DUSP22: variants seen among roughly 807,000 people sequenced by gnomAD.
The protein encoded by DUSP22 is dual specificity phosphatase 22, also known as dual specificity protein phosphatase 22.
In DUSP22, 24 loss-of-function variants were observed where a neutral mutation model predicts 24.5. That is an observed-to-expected ratio of 0.98 (90% CI 0.71 to 1.38). DUSP22 has a LOEUF of 1.38. DUSP22 is among the 40% of genes most tolerant of loss of function. The pLI, the probability that DUSP22 is intolerant of heterozygous loss-of-function variation, is 0.00. For synonymous variants in DUSP22, 160 were observed against 106.4 expected, an observed-to-expected ratio of 1.50 and a Z score of -3.10; for missense variants, 330 against 269.2, an observed-to-expected ratio of 1.23 and a Z score of -1.58.
intron 3 of DUSP22, among the ~76,000 whole-genome samples, chr6:332,392 G>A (rs1189516259): frequency 6.6e-6 from 1 of 152,306 alleles, no homozygotes; most frequent in Non-Finnish European, 1.5e-5. Flanking sequence ...CCTCATCCTG[G>A]TGGTTCCCAG....
At chr6:347,142 G>A (rs1383457106) in intron 5 of DUSP22, among the ~76,000 whole-genome samples, 1 of 152,404 alleles carries the variant, frequency 6.6e-6, no homozygotes, top group African/African-American at 2.4e-5. Flanking sequence ...CCCACTCCTG[G>A]GCTTCTCCTG....
chr6:292,620 C>G, intron 1 of DUSP22, 60 bp downstream of exon 1: 1 of 1,561,280 alleles, frequency 6.4e-7, no homozygotes, highest in Non-Finnish European at 8.7e-7. Flanking sequence ...GCCGTCTCGC[C>G]GGCGTCGGCT....
intron 3 of DUSP22, among the ~76,000 whole-genome samples, chr6:329,008 C>T (rs1487650877): frequency 6.6e-6 from 1 of 152,304 alleles, no homozygotes; most frequent in African/African-American, 2.4e-5. Context: ...AAAGTCATAC[C>T]TGGAGGAGAA....
chr6:350,112 A>G lies in DUSP22; in HGVS notation c.*1161A>G, dbSNP rs1013715428. The G allele has an allele frequency of 5.7e-5, 56 of 985,824 alleles. No homozygotes were observed. The highest frequency in any genetic ancestry group is 6.5e-5 in the Non-Finnish European group (54 of 830,262). 61.1% of individuals were successfully genotyped at this position (985,824 alleles called of 1,614,324 possible). A position where few individuals can be genotyped will look rare whatever the true frequency, so the allele number is the denominator to read the frequency against. On this transcript the variant is annotated 3_prime_UTR_variant, in exon 7 of 7. Coordinates refer to ENST00000419235, the MANE Select transcript of DUSP22 (RefSeq NM_001286555.3). ...AGCTACCTCATTGAATGTTTTTGGAAAGGTGTTTTTTGGTATGCAAGTCAG... is the reference window on the plus strand; with the variant it reads ...AGCTACCTCATTGAATGTTTTTGGAGAGGTGTTTTTTGGTATGCAAGTCAG...
chr6:308,958 C>T (rs1352404183), intron 2 of DUSP22, among the ~76,000 whole-genome samples: 2 of 152,312 alleles, frequency 1.3e-5, no homozygotes, highest in Non-Finnish European at 2.9e-5. Context: ...CCACCTCCTC[C>T]AGGTTCTGTG....
In DUSP22 at chr6:349,365, T is replaced by C; in HGVS notation, c.*414T>C. ...GTGTGTGTGAACTCTTTCTTACTGC[T>C]GGAAGTCACAGAATTCATATTGCTG... On this transcript the variant is annotated 3_prime_UTR_variant, in exon 7 of 7. Transcript: ENST00000419235. 9.7e-7 allele frequency: 1 copy of C among 1,033,494 alleles called. No individual in the cohort carries two copies. The highest frequency in any genetic ancestry group is 1.2e-6 in the Non-Finnish European group (1 of 860,240). 64.0% of individuals were successfully genotyped at this position (1,033,494 alleles called of 1,614,324 possible).
Position 311,917 on chromosome 6 carries a change from G to A in DUSP22, c.93G>A (p.Val31=). 6.2e-7 allele frequency: 1 copy of A among 1,612,738 alleles called. No homozygotes were observed. Among genetic ancestry groups the A allele is most frequent in the South Asian group, 1.1e-5 (1 of 90,954 alleles). The part of the protein sequence containing the change: ...RDAEQLSKNK[V]THILSVHDSA... ...CGGAACAATTGAGCAAGAACAAGGT[G>A]ACACATATTCTGTCTGTCCACGATA... is the stretch of plus-strand genomic sequence containing the variant. The change falls in exon 3 of 7, where the codon GTG becomes GTA. Residue 31 remains valine, a synonymous_variant. Coordinates refer to ENST00000419235, the MANE Select transcript of DUSP22 (RefSeq NM_001286555.3).
At chr6:312,392 T>G (rs1252879207) in intron 3 of DUSP22, among the ~76,000 whole-genome samples, 1 of 152,278 alleles carries the variant, frequency 6.6e-6, no homozygotes, top group Admixed American at 6.5e-5. Flanking sequence ...AAACAGAAGG[T>G]GAATCGTCCT....
At chr6:313,415 C>G (rs1330841565) in intron 3 of DUSP22, among the ~76,000 whole-genome samples, 1 of 152,306 alleles carries the variant, frequency 6.6e-6, no homozygotes, top group Non-Finnish European at 1.5e-5. Flanking sequence ...TGGGAAACCA[C>G]AGGCTAGCGA....
intron 1 of DUSP22, among the ~76,000 whole-genome samples, chr6:301,101 G>C: frequency 6.6e-6 from 1 of 152,424 alleles, no homozygotes; most frequent in Admixed American, 6.5e-5. Context: ...GCAGGTATCT[G>C]GCATTGGCAG....
intron 3 of DUSP22, among the ~76,000 whole-genome samples, chr6:322,756 T>C (rs1339609685): frequency 6.6e-6 from 1 of 151,126 alleles, no homozygotes; most frequent in Non-Finnish European, 1.5e-5. Flanking sequence ...GCAGAAAGCT[T>C]AAGCATCATG....
intron 1 of DUSP22, among the ~76,000 whole-genome samples, chr6:296,635 C>T (rs1258025623): frequency 1.3e-5 from 2 of 152,300 alleles, no homozygotes; most frequent in African/African-American, 4.8e-5. Context: ...AAACAAAACT[C>T]CTATCCTCAC....
intron 3 of DUSP22, among the ~76,000 whole-genome samples, chr6:324,841 C>T (rs1299088088): frequency 2.6e-5 from 4 of 152,304 alleles, no homozygotes; most frequent in Non-Finnish European, 5.9e-5. Flanking sequence ...CCATCTGCAG[C>T]TGAGGGACCC....
Position 331,013 on chromosome 6 carries a change from C to T in DUSP22, c.139-4101C>T, listed in dbSNP as rs1041466874. ...CCTTTTCCTCTCCTGGTACTCACTT[C>T]GTCATGTTACGCCACTTAAAATGCC... On this transcript the variant is annotated intron_variant, in intron 3 of 6. Transcript: ENST00000419235. 1.2e-4 allele frequency among the ~76,000 whole-genome samples: 18 copies of T among 152,300 alleles called. No homozygotes were observed. In the East Asian group the frequency reaches 1.9e-3, roughly 16 times the overall value.
intron 4 of DUSP22, among the ~76,000 whole-genome samples, chr6:343,701 A>ATGTTTGCG (rs1561680592): frequency 1.7e-4 from 2 of 11,818 alleles, no homozygotes; most frequent in Non-Finnish European, 3.5e-4. Context: ...GCATGTTTGC[A>ATGTTTGCG]TGTGGATGCA....
At chr6:338,211 A>G (rs1312553740) in intron 4 of DUSP22, 1 of 152,356 alleles carries the variant, frequency 6.6e-6, no homozygotes, top group Non-Finnish European at 1.5e-5. Context: ...ACATATGTCC[A>G]TGACTGTAAA....
chr6:321,391 C>T lies in DUSP22; in HGVS notation c.138+9429C>T, dbSNP rs534380935. On this transcript the variant is annotated intron_variant, in intron 3 of 6. Coordinates refer to ENST00000419235, the MANE Select transcript of DUSP22 (RefSeq NM_001286555.3). ...ATGAACAAAGCCAGGTGACACATTC[C>T]GATTTCTTTTGCAGGATGTTGTCTC... is the stretch of plus-strand genomic sequence containing the variant. Among the ~76,000 whole-genome samples, 18 of 152,412 alleles carry T rather than the reference C, an allele frequency of 1.2e-4. No individual in the cohort carries two copies. The East Asian group carries it at 1.9e-3, about 16-fold the overall frequency.
At chr6:343,122 G>A (rs1759687868) in intron 4 of DUSP22, among the ~76,000 whole-genome samples, 1 of 152,312 alleles carries the variant, frequency 6.6e-6, no homozygotes, top group South Asian at 2.1e-4. Context: ...TAGATTTCGG[G>A]ATTACAGCAG....
intron 3 of DUSP22, among the ~76,000 whole-genome samples, chr6:332,288 G>C (rs1367798451): frequency 6.6e-6 from 1 of 152,312 alleles, no homozygotes; most frequent in African/African-American, 2.4e-5. Context: ...GAGCCATTTT[G>C]TTCCTCTTCA....
Sources: gnomAD v4.1 joint callset for allele counts (sites outside exome capture counted in the v4.1 genomes callset) on GRCh38, gnomAD v4.1.1 for gene constraint, MANE v1.5 for transcripts, NCBI Gene and HGNC (gene_info 2026-07-23, HGNC 2026-07-21) for gene names.